Variants in CRACD observed in about 807,000 individuals in gnomAD.
CRACD encodes the protein capping protein inhibiting regulator of actin dynamics, also known as capping protein-inhibiting regulator of actin dynamics.
CRACD carries 56 observed loss-of-function variants against 106.8 expected under a neutral mutation model. The ratio of observed to expected loss-of-function variants is 0.52; its 90% CI spans 0.42 to 0.66. The LOEUF (loss-of-function observed/expected upper bound fraction) is 0.66. Among genes scored for constraint, CRACD ranks in the 30% least tolerant of loss-of-function variants. CRACD has a pLI of 0.00. For missense variants in CRACD, 1,730 were observed against 1,623.2 expected (o/e 1.07, Z -1.13); for synonymous variants, 754 against 670.8 (o/e 1.12, Z -1.92).
chr4:56,056,852 C>T (rs2109780584), intron 1 of CRACD, among the ~76,000 whole-genome samples: 1 of 152,266 alleles, frequency 6.6e-6, no homozygotes, highest in Middle Eastern at 3.4e-3. Flanking sequence ...GCAGGTGGAT[C>T]CCTTGAGCCC....
At chr4:56,240,830 C>A (rs1740326835) in intron 2 of CRACD, among the ~76,000 whole-genome samples, 1 of 152,192 alleles carries the variant, frequency 6.6e-6, no homozygotes, top group Admixed American at 6.6e-5. Context: ...TGACTTCAGG[C>A]CATTCCTTAA....
At chr4:56,116,563 A>G (rs993804940) in intron 1 of CRACD, among the ~76,000 whole-genome samples, 2 of 152,144 alleles carry the variant, frequency 1.3e-5, no homozygotes, top group South Asian at 2.1e-4. Context: ...TGGTGCATCA[A>G]TTTCAACCCT....
At chr4:56,078,229 G>A (rs898381264) in intron 1 of CRACD, among the ~76,000 whole-genome samples, 3 of 151,988 alleles carry the variant, frequency 2.0e-5, no homozygotes, top group African/African-American at 4.8e-5. Flanking sequence ...TCATAACTCA[G>A]TAACATGAAA....
intron 2 of CRACD, among the ~76,000 whole-genome samples, chr4:56,190,959 C>G (rs1329831488): frequency 6.6e-6 from 1 of 152,158 alleles, no homozygotes; most frequent in Non-Finnish European, 1.5e-5. Flanking sequence ...CCTACCAGAT[C>G]TCTCACTAGA....
chr4:56,263,115 G>A (rs1031375422), intron 2 of CRACD, among the ~76,000 whole-genome samples: 6 of 152,176 alleles, frequency 3.9e-5, no homozygotes, highest in East Asian at 1.9e-4. Flanking sequence ...GTAGATGTCT[G>A]TACTATGCAC....
At chr4:56,114,270 C>T (rs1240406414) in intron 1 of CRACD, among the ~76,000 whole-genome samples, 2 of 151,058 alleles carry the variant, frequency 1.3e-5, no homozygotes, top group Non-Finnish European at 3.0e-5. Flanking sequence ...GCATAAGAAC[C>T]GGGCCTGCAA....
chr4:56,257,553 G>A (rs1338347992), intron 2 of CRACD, among the ~76,000 whole-genome samples: 1 of 151,898 alleles, frequency 6.6e-6, no homozygotes, highest in Non-Finnish European at 1.5e-5. Flanking sequence ...AAATTAGCTG[G>A]GCTTGGTGGC....
At chr4:56,201,521 G>T (rs2109474381) in intron 2 of CRACD, among the ~76,000 whole-genome samples, 1 of 152,294 alleles carries the variant, frequency 6.6e-6, no homozygotes, top group East Asian at 1.9e-4. Flanking sequence ...GGACTGAGCA[G>T]TGAGCATGTA....
intron 1 of CRACD, among the ~76,000 whole-genome samples, chr4:56,063,056 C>G (rs1389635266): frequency 3.7e-5 from 5 of 136,180 alleles, no homozygotes; most frequent in African/African-American, 1.6e-4. Context: ...AGAACTTAAG[C>G]AAGGAAGGAA....
intron 1 of CRACD, among the ~76,000 whole-genome samples, chr4:56,126,267 T>G (rs1056404536): frequency 6.6e-6 from 1 of 152,170 alleles, no homozygotes; most frequent in Non-Finnish European, 1.5e-5. Context: ...GATTTCCACC[T>G]TTTAGTGGGG....
At chr4:56,088,397 C>T (rs897669229) in intron 1 of CRACD, among the ~76,000 whole-genome samples, 3 of 150,498 alleles carry the variant, frequency 2.0e-5, no homozygotes, top group East Asian at 2.0e-4. Flanking sequence ...AGTGCAGTGA[C>T]GTGATCTCGG....
chr4:56,264,525 G>A (rs897290463), intron 2 of CRACD, among the ~76,000 whole-genome samples: 5 of 152,198 alleles, frequency 3.3e-5, no homozygotes, highest in African/African-American at 1.2e-4. Flanking sequence ...TGGTCCCCAT[G>A]TTCTCTGCCT....
chr4:56,272,989 G>A (rs1268874402), intron 3 of CRACD, among the ~76,000 whole-genome samples: 3 of 152,026 alleles, frequency 2.0e-5, no homozygotes, highest in Non-Finnish European at 4.4e-5. Flanking sequence ...ACCTTGGGGA[G>A]TTATCAAATG....
chr4:56,279,669 A>G (rs1156465406), intron 3 of CRACD, among the ~76,000 whole-genome samples: 2 of 152,198 alleles, frequency 1.3e-5, no homozygotes, highest in Non-Finnish European at 2.9e-5. Context: ...GATGTGGAGA[A>G]ATAGGAACAC....
intron 1 of CRACD, among the ~76,000 whole-genome samples, chr4:56,133,540 T>C (rs527599029): frequency 6.6e-5 from 10 of 152,190 alleles, no homozygotes; most frequent in Admixed American, 5.2e-4. Context: ...TTCAACAATA[T>C]TTACTGAGCA....
At chr4:56,177,931 AT>A (rs1202402776) in intron 1 of CRACD, among the ~76,000 whole-genome samples, 1 of 151,740 alleles carries the variant, frequency 6.6e-6, no homozygotes, top group Non-Finnish European at 1.5e-5. Flanking sequence ...GATTTGTCAA[AT>A]TTTTTTATCT....
intron 1 of CRACD, among the ~76,000 whole-genome samples, chr4:56,165,277 T>C (rs1736101191): frequency 6.6e-6 from 1 of 152,222 alleles, no homozygotes; most frequent in South Asian, 2.1e-4. Flanking sequence ...TGTTCTCAGC[T>C]GGGCACTGAC....
intron 1 of CRACD, among the ~76,000 whole-genome samples, chr4:56,156,848 A>G (rs866549071): frequency 6.6e-6 from 1 of 152,242 alleles, no homozygotes; most frequent in Non-Finnish European, 1.5e-5. Flanking sequence ...TGAGGGTTAC[A>G]TGAATTAATA....
At chr4:56,310,932 G>C in intron 6 of CRACD, 198 bp downstream of exon 6, 2 of 562,248 alleles carry the variant, frequency 3.6e-6, no homozygotes, top group Non-Finnish European at 6.4e-6. Flanking sequence ...TGCTGGAACT[G>C]AACTCTGCTC....
Sources: allele counts gnomAD v4.1 joint callset (sites outside exome capture counted in the v4.1 genomes callset), GRCh38; gene constraint gnomAD v4.1.1; transcripts MANE v1.5; gene names NCBI Gene and HGNC (gene_info 2026-07-23, HGNC 2026-07-21).